Variants in GRPR observed in about 807,000 individuals in gnomAD.
GRPR encodes the protein gastrin-releasing peptide receptor.
GRPR carries 4 observed loss-of-function variants against 15.6 expected under a neutral mutation model. The observed-to-expected ratio is 0.26, with a 90% confidence interval of 0.13 to 0.59. The LOEUF is 0.59. GRPR is among the 20% of genes least tolerant of loss of function. The pLI is 0.90. For synonymous variants in GRPR, 128 were observed against 126.8 expected (o/e 1.01, Z -0.06); for missense variants, 270 against 304.1 (o/e 0.89, Z 0.83).
At chrX:16,147,692 T>G (rs1216726893) in intron 1 of GRPR, among the ~76,000 whole-genome samples, 1 of 112,008 alleles carries the variant, frequency 8.9e-6, no homozygotes, top group Non-Finnish European at 1.9e-5. Context: ...GTTGTGAATT[T>G]AAAAGAAAGA....
chrX:16,139,851 A>G (rs1479361591), intron 1 of GRPR, among the ~76,000 whole-genome samples: 1 of 112,257 alleles, frequency 8.9e-6, no homozygotes, highest in Non-Finnish European at 1.9e-5. Context: ...AGTAATACCT[A>G]TCTTCTAGTA....
intron 1 of GRPR, among the ~76,000 whole-genome samples, chrX:16,128,985 G>A (rs1922338243): frequency 1.8e-5 from 2 of 112,092 alleles, no homozygotes; most frequent in Admixed American, 1.9e-4. Context: ...TGAATTTAAT[G>A]TTGACAATAT....
intron 2 of GRPR, 105 bp downstream of exon 2, chrX:16,150,761 G>A (rs1256861458): frequency 9.2e-6 from 5 of 541,136 alleles, no homozygotes; most frequent in Non-Finnish European, 1.6e-5. Flanking sequence ...AATTAGATGA[G>A]GTGGGTGATG....
At position 16,150,375 on chromosome X, in the gene GRPR, G is replaced by T; in HGVS notation, c.484G>T (p.Ala162Ser). 4 of 1,208,658 alleles carry T rather than the reference G, an allele frequency of 3.3e-6. No homozygotes were observed. The highest frequency in any genetic ancestry group is 4.5e-6 in the Non-Finnish European group (4 of 893,070). The change falls in exon 2 of 3, where the codon GCC (alanine) becomes TCC (serine). Residue 162 changes from alanine (A) to serine (S), a missense_variant. Around this residue, in one of 3 missense-constraint regions of GRPR, gnomAD observed 115 missense variants for 128.8 expected, o/e 0.89. Transcript: ENST00000380289. Reference sequence around the variant, plus strand: ...CCTGATGAAGATCTGCCTCAAAGCCGCCTTTATCTGGATCATCTCCATGCT... The same window carrying T: ...CCTGATGAAGATCTGCCTCAAAGCCTCCTTTATCTGGATCATCTCCATGCT... Reference protein sequence around the residue: ...HALMKICLKAAFIWIISMLLA... With the variant: ...HALMKICLKASFIWIISMLLA...
At chrX:16,132,901 T>C (rs1006870015) in intron 1 of GRPR, among the ~76,000 whole-genome samples, 2 of 112,096 alleles carry the variant, frequency 1.8e-5, no homozygotes, top group Admixed American at 9.4e-5. Context: ...AGTTTTGTGC[T>C]ATCTCCATCA....
intron 1 of GRPR, among the ~76,000 whole-genome samples, chrX:16,126,295 G>A (rs761121697): frequency 8.9e-6 from 1 of 112,144 alleles, no homozygotes; most frequent in East Asian, 2.8e-4. Flanking sequence ...CACAGGTAGT[G>A]CATCTAACCA....
At chrX:16,135,970 A>G (rs1341313885) in intron 1 of GRPR, among the ~76,000 whole-genome samples, 1 of 112,502 alleles carries the variant, frequency 8.9e-6, no homozygotes, top group Non-Finnish European at 1.9e-5. Flanking sequence ...ATGATGATTT[A>G]AGGAATACAT....
At chrX:16,141,894 A>G (rs896055046) in intron 1 of GRPR, among the ~76,000 whole-genome samples, 1 of 112,294 alleles carries the variant, frequency 8.9e-6, no homozygotes, top group Non-Finnish European at 1.9e-5. Flanking sequence ...AGAAGGCTCA[A>G]ATAGGACACC....
intron 1 of GRPR, among the ~76,000 whole-genome samples, chrX:16,130,123 T>C (rs756780220): frequency 2.7e-5 from 3 of 112,115 alleles, no homozygotes; most frequent in African/African-American, 9.7e-5. Context: ...GCCTGTATTG[T>C]TCATTAAATG....
intron 1 of GRPR, among the ~76,000 whole-genome samples, chrX:16,130,900 C>A (rs946814221): frequency 8.9e-6 from 1 of 112,427 alleles, no homozygotes; most frequent in African/African-American, 3.2e-5. Context: ...ACCACAGCTG[C>A]CAGCAGCCTC....
intron 2 of GRPR, among the ~76,000 whole-genome samples, chrX:16,151,628 G>A (rs1403089838): frequency 8.9e-6 from 1 of 111,932 alleles, no homozygotes; most frequent in African/African-American, 3.2e-5. Context: ...TTCCCCTTGA[G>A]GTAGTGGATG....
At position 16,152,635 on chromosome X, in the gene GRPR, G is replaced by A. The variant is rs934232588; in HGVS notation, c.1145G>A (p.Arg382Gln). Residue 382 changes from arginine (R) to glutamine (Q), a missense_variant, in exon 3 of 3, where the codon CGG becomes CAG. Coordinates refer to ENST00000380289, the MANE Select transcript of GRPR (RefSeq NM_005314.3). ...SLINGNICHE[R>Q]YV ...ATCAATGGAAACATCTGTCACGAGCGGTATGTCTAGATTGACCCTTGATTT... is the reference window on the plus strand; with the variant it reads ...ATCAATGGAAACATCTGTCACGAGCAGTATGTCTAGATTGACCCTTGATTT... The A allele has an allele frequency of 1.2e-5, 14 of 1,209,022 alleles. No homozygotes were observed. Among genetic ancestry groups the A allele is most frequent in the Non-Finnish European group, 1.5e-5 (13 of 893,546 alleles).
intron 1 of GRPR, among the ~76,000 whole-genome samples, chrX:16,129,322 A>G (rs953230805): frequency 2.7e-5 from 3 of 112,249 alleles, no homozygotes; most frequent in African/African-American, 9.7e-5. Context: ...CACTAACCAC[A>G]TGTGGCTATT....
chrX:16,150,061 GAGAGA>G (rs1569128481), intron 1 of GRPR, among the ~76,000 whole-genome samples: 2 of 110,921 alleles, frequency 1.8e-5, no homozygotes, highest in African/African-American at 6.6e-5. Flanking sequence ...GGTACTTGTG[GAGAGA>G]AGAGAAGGCA....
chrX:16,129,012 A>G (rs1922338606), intron 1 of GRPR, among the ~76,000 whole-genome samples: 1 of 112,177 alleles, frequency 8.9e-6, no homozygotes, highest in Admixed American at 9.4e-5. Flanking sequence ...TGCCCAAGTT[A>G]TATCAAGCCT....
Position 16,124,247 on chromosome X carries a change from C to T in GRPR, c.294C>T (p.Ala98=). 1 of 1,208,887 alleles carries T rather than the reference C, an allele frequency of 8.3e-7. No homozygotes were observed. Among genetic ancestry groups the T allele is most frequent in the African/African-American group, 1.7e-5 (1 of 57,735 alleles). ...TAATAACGTGTGCTCCAGTGGATGC[C>T]AGCAGGTACCTGGCTGACAGATGGC... ...LLLITCAPVD[A]SRYLADRWLF... The change falls in exon 1 of 3, where the codon GCC becomes GCT. Residue 98 remains alanine (A), a synonymous_variant. Coordinates refer to ENST00000380289, the MANE Select transcript of GRPR (RefSeq NM_005314.3).
chrX:16,131,741 A>G (rs191023354), intron 1 of GRPR, among the ~76,000 whole-genome samples: 1 of 112,255 alleles, frequency 8.9e-6, no homozygotes, highest in East Asian at 2.8e-4. Flanking sequence ...TGCACGTATC[A>G]GTAATCCATT....
chrX:16,132,451 A>C (rs1030113804), intron 1 of GRPR, among the ~76,000 whole-genome samples: 5 of 112,166 alleles, frequency 4.5e-5, no homozygotes, highest in Non-Finnish European at 9.4e-5. Context: ...GCTAAATTTC[A>C]CCAACATCAT....
chrX:16,132,559 C>T (rs964533985), intron 1 of GRPR, among the ~76,000 whole-genome samples: 1 of 111,736 alleles, frequency 8.9e-6, no homozygotes, highest in Non-Finnish European at 1.9e-5. Flanking sequence ...CCTCATTTGT[C>T]TCCCTTTAAA....
Sources: gnomAD v4.1 joint callset for allele counts (sites outside exome capture counted in the v4.1 genomes callset) on GRCh38, gnomAD v4.1.1 for gene constraint, gnomAD v4.1.1 regional missense constraint, MANE v1.5 for transcripts, NCBI Gene and HGNC (gene_info 2026-07-23, HGNC 2026-07-21) for gene names.